Variants in CSMD1 observed in about 807,000 individuals in gnomAD.
The protein encoded by CSMD1 is CUB and sushi domain-containing protein 1.
A neutral mutation model predicts 417.5 loss-of-function variants in CSMD1; 213 were observed. The observed-to-expected ratio is 0.51, with a 90% CI of 0.46 to 0.57. The LOEUF is 0.57. CSMD1 is among the 20% of genes least tolerant of loss of function. The pLI, the probability that CSMD1 is intolerant of heterozygous loss-of-function variation, is 0.00. For synonymous variants in CSMD1, 2,862 were observed against 1,736.8 expected (o/e 1.65, Z -16.11); for missense variants, 6,923 against 4,529.7 (o/e 1.53, Z -15.17).
At chr8:4,216,255 T>C (rs953119194) in intron 3 of CSMD1, among the ~76,000 whole-genome samples, 1 of 152,146 alleles carries the variant, frequency 6.6e-6, no homozygotes, top group South Asian at 2.1e-4. Context: ...CCTGGAATCC[T>C]TTCACTCTAC....
At chr8:4,857,848 G>T (rs1208549643) in intron 1 of CSMD1, among the ~76,000 whole-genome samples, 2 of 151,858 alleles carry the variant, frequency 1.3e-5, no homozygotes, top group Non-Finnish European at 2.9e-5. Flanking sequence ...AGGAGGAACT[G>T]GTACCATTCC....
At chr8:3,269,085 TC>T (rs1801647673) in intron 26 of CSMD1, among the ~76,000 whole-genome samples, 1 of 152,238 alleles carries the variant, frequency 6.6e-6, no homozygotes, top group Admixed American at 6.5e-5. Context: ...TAAAATCCTG[TC>T]ATCCCCCAGT....
intron 7 of CSMD1, among the ~76,000 whole-genome samples, chr8:3,705,270 T>C (rs974968550): frequency 1.3e-5 from 2 of 152,186 alleles, no homozygotes; most frequent in African/African-American, 4.8e-5. Flanking sequence ...AAGGTCACCC[T>C]CTGCAAAGAG....
intron 26 of CSMD1, among the ~76,000 whole-genome samples, chr8:3,251,455 T>G (rs1299906251): frequency 6.6e-6 from 1 of 152,200 alleles, no homozygotes; most frequent in African/African-American, 2.4e-5. Context: ...CATGCTGTTT[T>G]GGTTACTGTA....
chr8:4,146,757 G>A (rs369978057), intron 3 of CSMD1, among the ~76,000 whole-genome samples: 6 of 149,226 alleles, frequency 4.0e-5, no homozygotes, highest in African/African-American at 1.3e-4. Flanking sequence ...GACTACAGGC[G>A]CCCGGCACCA....
At chr8:3,918,619 C>G (rs1450356536) in intron 5 of CSMD1, among the ~76,000 whole-genome samples, 1 of 151,876 alleles carries the variant, frequency 6.6e-6, no homozygotes, top group East Asian at 1.9e-4. Flanking sequence ...CAATGTGGAA[C>G]CAGCATAAAT....
At chr8:4,542,503 T>G (rs962284810) in intron 2 of CSMD1, among the ~76,000 whole-genome samples, 1 of 152,206 alleles carries the variant, frequency 6.6e-6, no homozygotes, top group Non-Finnish European at 1.5e-5. Flanking sequence ...AAAAGCACAA[T>G]TATTGAAGCC....
intron 7 of CSMD1, among the ~76,000 whole-genome samples, chr8:3,692,195 T>G (rs1023271557): frequency 3.3e-5 from 5 of 152,216 alleles, no homozygotes; most frequent in Non-Finnish European, 7.3e-5. Flanking sequence ...CTTTACGTTG[T>G]TATGCCCCAT....
chr8:2,994,424 C>T (rs75589820), intron 54 of CSMD1, among the ~76,000 whole-genome samples: 4,765 of 152,138 alleles, frequency 0.031, 247 homozygotes, highest in African/African-American at 0.11. Flanking sequence ...GTGGTGAGGA[C>T]GCAGGTGCTG....
At chr8:4,088,141 G>A (rs1337731484) in intron 3 of CSMD1, among the ~76,000 whole-genome samples, 4 of 152,206 alleles carry the variant, frequency 2.6e-5, no homozygotes, top group Non-Finnish European at 4.4e-5. Context: ...GGAGGACACT[G>A]CCCATTCTCA....
At chr8:3,487,468 T>C (rs1013326879) in intron 11 of CSMD1, among the ~76,000 whole-genome samples, 1 of 152,168 alleles carries the variant, frequency 6.6e-6, no homozygotes, top group Non-Finnish European at 1.5e-5. Context: ...CCCCAAGTGT[T>C]GGGATTACAG....
In CSMD1 at chr8:2,973,498, A is replaced by G. The variant is rs112720407; in HGVS notation, c.8741-199T>C. On this transcript the variant is annotated intron_variant, in intron 56 of 69. Coordinates refer to ENST00000635120, the MANE Select transcript of CSMD1 (RefSeq NM_033225.6). ...GAAAAGAATTTAGGATGTGGCTCCC[A>G]TGTTACTAACTTCACAATAGCCTAT... 2.1e-3 allele frequency among the ~76,000 whole-genome samples: 325 copies of G among 152,334 alleles called. 1 individual carries two copies. The highest frequency in any genetic ancestry group is 7.5e-3 in the African/African-American group (312 of 41,574).
At chr8:3,527,968 C>A (rs10096347) in intron 10 of CSMD1, among the ~76,000 whole-genome samples, 87,202 of 151,806 alleles carry the variant, frequency 0.57, 25,270 homozygotes, top group African/African-American at 0.6. Context: ...CTGTGGCCTC[C>A]GCCCACCACA....
At chr8:4,896,086 T>C (rs1024362139) in intron 1 of CSMD1, among the ~76,000 whole-genome samples, 6 of 152,268 alleles carry the variant, frequency 3.9e-5, no homozygotes, top group South Asian at 2.1e-4. Flanking sequence ...CCTTCCTCTG[T>C]CTGAAAATTT....
chr8:4,700,359 A>G (rs1433653059), intron 1 of CSMD1, among the ~76,000 whole-genome samples: 1 of 151,964 alleles, frequency 6.6e-6, no homozygotes, highest in Non-Finnish European at 1.5e-5. Context: ...TATTATAAAA[A>G]TATTATTTGT....
At chr8:4,677,544 C>G (rs1194116813) in intron 1 of CSMD1, among the ~76,000 whole-genome samples, 2 of 152,170 alleles carry the variant, frequency 1.3e-5, no homozygotes, top group African/African-American at 4.8e-5. Flanking sequence ...ATAATCTGCA[C>G]TACATCAAGA....
At chr8:4,052,006 A>G (rs1585210926) in intron 3 of CSMD1, among the ~76,000 whole-genome samples, 1 of 151,386 alleles carries the variant, frequency 6.6e-6, no homozygotes, top group Non-Finnish European at 1.5e-5. Flanking sequence ...GCTCACTGCA[A>G]CCTCTGTCTC....
chr8:3,751,462 AAT>A (rs1239114128), intron 6 of CSMD1, among the ~76,000 whole-genome samples: 1 of 148,336 alleles, frequency 6.7e-6, no homozygotes, highest in African/African-American at 2.4e-5. Context: ...TTTATACTTA[AAT>A]ATATAATTAA....
intron 1 of CSMD1, among the ~76,000 whole-genome samples, chr8:4,932,262 A>C (rs1807297788): frequency 6.6e-6 from 1 of 152,238 alleles, no homozygotes; most frequent in South Asian, 2.1e-4. Context: ...TGGTTTTAAA[A>C]AAAAGTGAAT....
Sources: gnomAD v4.1 joint callset for allele counts (sites outside exome capture counted in the v4.1 genomes callset) on GRCh38, gnomAD v4.1.1 for gene constraint, MANE v1.5 for transcripts, NCBI Gene and HGNC (gene_info 2026-07-23, HGNC 2026-07-21) for gene names.